MYO3A: variants seen among roughly 807,000 people sequenced by gnomAD.
MYO3A encodes myosin IIIA, also known as myosin-IIIa.
MYO3A carries 180 observed loss-of-function variants against 192.7 expected under a neutral mutation model. The ratio of observed to expected loss-of-function variants is 0.93; its 90% CI spans 0.83 to 1.06. The LOEUF is 1.06. MYO3A is among the 50% of genes least tolerant of loss of function. MYO3A has a pLI of 0.00. For missense variants in MYO3A, 1,896 were observed against 1,905.0 expected, an observed-to-expected ratio of 1.00 and a Z score of 0.09; for synonymous variants, 628 against 645.3, an observed-to-expected ratio of 0.97 and a Z score of 0.41.
chr10:26,017,590 A>G (rs1842051605), intron 7 of MYO3A, among the ~76,000 whole-genome samples: 1 of 152,102 alleles, frequency 6.6e-6, no homozygotes, highest in African/African-American at 2.4e-5. Context: ...ATACTATATT[A>G]ATATTTTCAA....
intron 17 of MYO3A, among the ~76,000 whole-genome samples, chr10:26,118,700 C>T (rs969760651): frequency 1.3e-5 from 2 of 151,686 alleles, no homozygotes; most frequent in Admixed American, 6.6e-5. Context: ...GGCACGATCT[C>T]GGCTCACTGA....
chr10:26,011,600 A>G (rs1029814873), intron 6 of MYO3A, among the ~76,000 whole-genome samples: 2 of 152,190 alleles, frequency 1.3e-5, no homozygotes, highest in South Asian at 2.1e-4. Flanking sequence ...CCAATAACAA[A>G]CAGCAAGATT....
chr10:26,122,250 C>T (rs1213365368), intron 18 of MYO3A, among the ~76,000 whole-genome samples: 1 of 152,016 alleles, frequency 6.6e-6, no homozygotes, highest in Non-Finnish European at 1.5e-5. Context: ...CCTATTTCTG[C>T]ATAACAGAAG....
intron 9 of MYO3A, among the ~76,000 whole-genome samples, chr10:26,025,848 T>C (rs920038687): frequency 6.6e-6 from 1 of 152,198 alleles, no homozygotes; most frequent in Non-Finnish European, 1.5e-5. Flanking sequence ...CCTCAAAAAA[T>C]ACATATTGAC....
chr10:25,955,138 T>G (rs1837460361), intron 4 of MYO3A, 130 bp downstream of exon 4: 1 of 1,358,100 alleles, frequency 7.4e-7, no homozygotes, highest in African/African-American at 1.4e-5. Flanking sequence ...CCATGAATGT[T>G]GTGCCTAGTT....
Position 26,060,337 on chromosome 10 carries a change from G to A in MYO3A, c.954-6638G>A, listed in dbSNP as rs562178173. On this transcript the variant is annotated intron_variant, in intron 10 of 34. Transcript: ENST00000642920. ...ACAAAAATTAGCCTGGCATGGTGGC[G>A]GGTGCCTGTAATCCCAGTTACTCGG... is the stretch of plus-strand genomic sequence containing the variant. 5.9e-5 allele frequency among the ~76,000 whole-genome samples: 9 copies of A among 151,924 alleles called. No homozygotes were observed. The East Asian group carries it at 1.4e-3, about 23-fold the overall frequency.
chr10:26,040,167 T>C (rs1843265273), intron 10 of MYO3A, among the ~76,000 whole-genome samples: 1 of 152,002 alleles, frequency 6.6e-6, no homozygotes. Context: ...GGTTAACCCT[T>C]TTCCTGTTTT....
chr10:25,939,477 C>T (rs1836333256), intron 2 of MYO3A, among the ~76,000 whole-genome samples: 1 of 151,832 alleles, frequency 6.6e-6, no homozygotes, highest in Non-Finnish European at 1.5e-5. Context: ...ACTTTAGTTG[C>T]TGGTCATACA....
chr10:26,044,162 T>C (rs72793975), intron 10 of MYO3A, among the ~76,000 whole-genome samples: 24,737 of 152,204 alleles, frequency 0.16, 2,303 homozygotes, highest in Non-Finnish European at 0.21. Context: ...CTGCCCTATC[T>C]TACTATGGCT....
intron 4 of MYO3A, among the ~76,000 whole-genome samples, chr10:25,982,101 G>C (rs979995875): frequency 2.5e-4 from 38 of 152,156 alleles, no homozygotes; most frequent in Admixed American, 5.9e-4. Context: ...TGGGAGCTGG[G>C]TGAGGCTTGT....
rs757605976 is a variant in MYO3A at position 26,021,664 on chromosome 10, T to C, written c.731+16T>C. The C allele has an allele frequency of 2.5e-6, 4 of 1,613,982 alleles. No homozygotes were observed. Among genetic ancestry groups the C allele is most frequent in the South Asian group, 2.2e-5 (2 of 91,076 alleles). ...AAATACCAAGGTCAGATGACTAACA[T>C]TGGGTCCAGTATCTGCAGCCCGATT... On this transcript the variant is annotated intron_variant, in intron 8 of 34. Coordinates refer to ENST00000642920, the MANE Select transcript of MYO3A (RefSeq NM_017433.5).
At position 26,120,185 on chromosome 10, in the gene MYO3A, C is replaced by T. The variant is rs148694513; in HGVS notation, c.1777-491C>T. On this transcript the variant is annotated intron_variant, in intron 17 of 34. Coordinates refer to ENST00000642920, the MANE Select transcript of MYO3A (RefSeq NM_017433.5). ...TCAAAAAAGAAAAAAAAAAATCTTA[C>T]GCTTACATTTAAACGACACATATCC... Among the ~76,000 whole-genome samples the T allele has an allele frequency of 3.0e-4, 45 of 151,902 alleles. 1 individual carries two copies. In the East Asian group the frequency reaches 8.5e-3, roughly 29 times the overall value.
At chr10:26,068,913 T>C (rs1279062975) in intron 12 of MYO3A, 29 bp downstream of exon 12, 5 of 1,321,328 alleles carry the variant, frequency 3.8e-6, no homozygotes, top group South Asian at 3.5e-5. Context: ...ATTCTGTTAC[T>C]TCATACACAT....
chr10:26,010,331 C>T (rs889886792), intron 6 of MYO3A, among the ~76,000 whole-genome samples: 3 of 150,010 alleles, frequency 2.0e-5, no homozygotes, highest in East Asian at 1.9e-4. Context: ...GCTTAAATAT[C>T]ATTTGGTATA....
intron 10 of MYO3A, among the ~76,000 whole-genome samples, chr10:26,037,411 G>GA (rs879428258): frequency 1.3e-5 from 2 of 152,082 alleles, no homozygotes; most frequent in African/African-American, 2.4e-5. Context: ...CTTACTGTGA[G>GA]AAAAAAATTG....
intron 7 of MYO3A, among the ~76,000 whole-genome samples, chr10:26,019,267 A>T (rs865873559): frequency 2.0e-3 from 157 of 80,438 alleles, no homozygotes; most frequent in African/African-American, 6.6e-3. Flanking sequence ...TTATTTATTT[A>T]TTTTTTCCTG....
rs1270373103 is a variant in MYO3A at position 25,986,250 on chromosome 10, T to C, written c.304-10240T>C. 4.6e-5 allele frequency among the ~76,000 whole-genome samples: 7 copies of C among 152,148 alleles called. No individual in the cohort carries two copies. In the East Asian group the frequency reaches 1.3e-3, roughly 29 times the overall value. ...TACAACAAACCCACAGCCAACATTA[T>C]ACTGAACAGGGAAAAGTTGAAAGCA... On this transcript the variant is annotated intron_variant, in intron 4 of 34. Coordinates refer to ENST00000642920, the MANE Select transcript of MYO3A (RefSeq NM_017433.5).
At chr10:26,052,537 C>T (rs1239857477) in intron 10 of MYO3A, among the ~76,000 whole-genome samples, 4 of 152,198 alleles carry the variant, frequency 2.6e-5, no homozygotes, top group African/African-American at 7.2e-5. Flanking sequence ...TCCTAGGGCA[C>T]ACCAGGGAGA....
At chr10:26,081,822 A>T (rs1455990413) in intron 14 of MYO3A, among the ~76,000 whole-genome samples, 2 of 152,076 alleles carry the variant, frequency 1.3e-5, no homozygotes, top group Admixed American at 6.6e-5. Flanking sequence ...CCACAAACAG[A>T]CCTTCACCTT....
Sources: allele counts gnomAD v4.1 joint callset (sites outside exome capture counted in the v4.1 genomes callset), GRCh38; gene constraint gnomAD v4.1.1; transcripts MANE v1.5; gene names NCBI Gene and HGNC (gene_info 2026-07-23, HGNC 2026-07-21).